Variants in NRXN1 observed in about 807,000 individuals in gnomAD.
NRXN1 encodes neurexin 1, also known as neurexin-1.
A neutral mutation model predicts 150.9 loss-of-function variants in NRXN1; 39 were observed. The ratio of observed to expected loss-of-function variants is 0.26; its 90% CI spans 0.20 to 0.34. NRXN1 has a LOEUF of 0.34. NRXN1 is among the 10% of genes least tolerant of loss of function. The pLI, the probability that NRXN1 is intolerant of heterozygous loss-of-function variation, is 1.00. For synonymous variants in NRXN1, 924 were observed against 757.0 expected (o/e 1.22, Z -3.62); for missense variants, 1,815 against 1,949.9 (o/e 0.93, Z 1.30).
At chr2:50,278,313 T>TA (rs1239615378) in intron 17 of NRXN1, among the ~76,000 whole-genome samples, 2 of 126,080 alleles carry the variant, frequency 1.6e-5, no homozygotes, top group African/African-American at 6.5e-5. Context: ...ATTTTATATA[T>TA]ATATTATATA....
chr2:50,907,026 T>G (rs1683793652), intron 5 of NRXN1, among the ~76,000 whole-genome samples: 1 of 152,020 alleles, frequency 6.6e-6, no homozygotes, highest in Non-Finnish European at 1.5e-5. Flanking sequence ...AGAATTGCAT[T>G]TCTCCAAGGT....
intron 5 of NRXN1, among the ~76,000 whole-genome samples, chr2:50,876,238 T>C (rs775967930): frequency 1.4e-4 from 21 of 151,742 alleles, no homozygotes; most frequent in African/African-American, 4.1e-4. Context: ...TTTTTTTTTC[T>C]ACCTAACTGA....
intron 15 of NRXN1, among the ~76,000 whole-genome samples, chr2:50,488,144 A>T (rs1267735539): frequency 6.6e-6 from 1 of 152,190 alleles, no homozygotes; most frequent in Non-Finnish European, 1.5e-5. Context: ...ATTCTTGCAT[A>T]GCAGGTTAAA....
At chr2:50,412,176 G>A (rs2083235908) in intron 17 of NRXN1, among the ~76,000 whole-genome samples, 1 of 152,050 alleles carries the variant, frequency 6.6e-6, no homozygotes, top group South Asian at 2.1e-4. Flanking sequence ...AAACACTGCA[G>A]AAGGCGGCAG....
At chr2:50,118,577 T>C (rs972712415) in intron 18 of NRXN1, among the ~76,000 whole-genome samples, 1 of 152,158 alleles carries the variant, frequency 6.6e-6, no homozygotes, top group Admixed American at 6.5e-5. Context: ...TTTCCTTTAT[T>C]TTGCTTTTGT....
At chr2:50,465,049 C>T (rs2088672828) in intron 17 of NRXN1, among the ~76,000 whole-genome samples, 1 of 151,450 alleles carries the variant, frequency 6.6e-6, no homozygotes, top group Non-Finnish European at 1.5e-5. Context: ...AAAAATGAGA[C>T]CTGTAACCAT....
chr2:50,241,839 G>T (rs1270202171), intron 17 of NRXN1, among the ~76,000 whole-genome samples: 1 of 151,580 alleles, frequency 6.6e-6, no homozygotes, highest in African/African-American at 2.4e-5. Flanking sequence ...TCAGCCTCAC[G>T]TCAATTCTGC....
In NRXN1 at chr2:51,028,091, G is replaced by A. The variant is rs1670888726; in HGVS notation, c.183C>T (p.Arg61=). 1.3e-6 allele frequency: 2 copies of A among 1,584,400 alleles called. No homozygotes were observed. Among genetic ancestry groups the A allele is most frequent in the South Asian group, 1.1e-5 (1 of 89,116 alleles). The part of the protein sequence containing the change: ...ESEMSFQLKT[R]SARGLVLYFD... Reference sequence around the variant, plus strand: ...AGTAGAGCACGAGGCCGCGGGCGCTGCGAGTCTTGAGCTGGAAGCTCATCT... The same window carrying A: ...AGTAGAGCACGAGGCCGCGGGCGCTACGAGTCTTGAGCTGGAAGCTCATCT... The change falls in exon 2 of 23, where the codon CGC becomes CGT. Residue 61 remains arginine, a synonymous_variant. Transcript: ENST00000401669.
At chr2:50,401,269 C>A (rs1470900934) in intron 17 of NRXN1, among the ~76,000 whole-genome samples, 1 of 151,922 alleles carries the variant, frequency 6.6e-6, no homozygotes, top group Admixed American at 6.6e-5. Flanking sequence ...ATGGGAAGGC[C>A]TGCTAGTAAA....
chr2:50,856,070 T>A (rs1675234914), intron 5 of NRXN1, among the ~76,000 whole-genome samples: 1 of 151,138 alleles, frequency 6.6e-6, no homozygotes, highest in East Asian at 2.0e-4. Flanking sequence ...TTTCTAAAAA[T>A]GCATTGCATG....
chr2:50,176,803 C>T (rs908092655), intron 18 of NRXN1, among the ~76,000 whole-genome samples: 2 of 152,068 alleles, frequency 1.3e-5, no homozygotes, highest in African/African-American at 4.8e-5. Context: ...AATCACTGCT[C>T]TGGCTTGCTT....
intron 21 of NRXN1, chr2:49,970,259 T>C (rs1393215175): frequency 6.6e-6 from 1 of 152,108 alleles, no homozygotes; most frequent in Non-Finnish European, 1.5e-5. Flanking sequence ...AAAATTATCA[T>C]TGATTTTTGG....
chr2:49,937,841 A>AT (rs5831062), intron 22 of NRXN1, among the ~76,000 whole-genome samples: 30,748 of 152,078 alleles, frequency 0.2, 3,294 homozygotes, highest in East Asian at 0.3. Context: ...GAACAAAATT[A>AT]TTTTCTAATC....
chr2:50,442,676 C>T (rs1455547074), intron 17 of NRXN1, among the ~76,000 whole-genome samples: 1 of 152,052 alleles, frequency 6.6e-6, no homozygotes, highest in Non-Finnish European at 1.5e-5. Context: ...GAGTTACTGG[C>T]ATAATGATAG....
intron 18 of NRXN1, among the ~76,000 whole-genome samples, chr2:50,201,099 G>T (rs905347319): frequency 6.6e-6 from 1 of 152,036 alleles, no homozygotes; most frequent in African/African-American, 2.4e-5. Context: ...TTGTGTAGCA[G>T]ATCAGTAAAC....
At chr2:50,418,609 T>G (rs1365325511) in intron 17 of NRXN1, among the ~76,000 whole-genome samples, 1 of 151,978 alleles carries the variant, frequency 6.6e-6, no homozygotes, top group Admixed American at 6.6e-5. Context: ...GATTTTAAAA[T>G]TTTCATTAAA....
At chr2:50,006,075 T>C (rs1684709647) in intron 21 of NRXN1, among the ~76,000 whole-genome samples, 1 of 152,130 alleles carries the variant, frequency 6.6e-6, no homozygotes, top group Non-Finnish European at 1.5e-5. Flanking sequence ...CATAAATCAA[T>C]CCTCAGTAAG....
intron 21 of NRXN1, among the ~76,000 whole-genome samples, chr2:49,965,719 T>C (rs2152488900): frequency 6.6e-6 from 1 of 152,346 alleles, no homozygotes; most frequent in South Asian, 2.1e-4. Context: ...TGAAATTTAC[T>C]TTTCCACAAA....
At chr2:50,252,661 A>G (rs183402206) in intron 17 of NRXN1, among the ~76,000 whole-genome samples, 63 of 152,140 alleles carry the variant, frequency 4.1e-4, no homozygotes, top group African/African-American at 1.4e-3. Flanking sequence ...TCCCAACACC[A>G]TTTATTAATT....
Sources: allele counts gnomAD v4.1 joint callset (sites outside exome capture counted in the v4.1 genomes callset), GRCh38; gene constraint gnomAD v4.1.1; transcripts MANE v1.5; gene names NCBI Gene and HGNC (gene_info 2026-07-23, HGNC 2026-07-21).